The following SLIT3 variants were observed in gnomAD, a reference collection of about 807,000 sequenced individuals.
SLIT3 encodes the protein slit guidance ligand 3.
In SLIT3, 68 loss-of-function variants were observed where a neutral mutation model predicts 184.0. The ratio of observed to expected loss-of-function variants is 0.37; its 90% CI spans 0.30 to 0.45. The LOEUF (loss-of-function observed/expected upper bound fraction) is 0.45, where lower values mean the gene tolerates loss of function less well. SLIT3 is among the 20% of genes least tolerant of loss of function. SLIT3 has a pLI of 1.00. For missense variants in SLIT3, 1,707 were observed against 2,026.0 expected, an observed-to-expected ratio of 0.84 and a Z score of 3.02; for synonymous variants, 831 against 828.6, an observed-to-expected ratio of 1.00 and a Z score of -0.05.
intron 5 of SLIT3, among the ~76,000 whole-genome samples, chr5:168,852,186 G>A (rs749759628): frequency 3.9e-5 from 6 of 152,204 alleles, no homozygotes; most frequent in Admixed American, 2.6e-4. Context: ...GTTCCTCCCC[G>A]GCAGAGGCGC....
chr5:168,741,478 CAAA>C (rs3061744), intron 20 of SLIT3, among the ~76,000 whole-genome samples: 1,306 of 81,560 alleles, frequency 0.016, 24 homozygotes, highest in Non-Finnish European at 0.023. Context: ...GACTCGGTCT[CAAA>C]AAAAAAAAAA....
chr5:168,776,316 T>C (rs545650514), intron 12 of SLIT3, among the ~76,000 whole-genome samples: 2 of 152,340 alleles, frequency 1.3e-5, no homozygotes, highest in East Asian at 3.9e-4. Flanking sequence ...ACGGCCTGTT[T>C]AATCTGTCTA....
intron 6 of SLIT3, among the ~76,000 whole-genome samples, chr5:168,824,983 C>T (rs1757652935): frequency 6.6e-6 from 1 of 152,252 alleles, no homozygotes; most frequent in African/African-American, 2.4e-5. Context: ...ACCATAGCCT[C>T]ATGTCCTGCT....
intron 3 of SLIT3, among the ~76,000 whole-genome samples, chr5:169,209,848 G>C (rs532505160): frequency 1.3e-5 from 2 of 152,104 alleles, no homozygotes; most frequent in Non-Finnish European, 2.9e-5. Context: ...CAATGTAGAA[G>C]ATGGTTTGAC....
chr5:168,954,965 C>T (rs995456159), intron 4 of SLIT3, among the ~76,000 whole-genome samples: 3 of 152,098 alleles, frequency 2.0e-5, no homozygotes, highest in South Asian at 2.1e-4. Context: ...TTCCAGGTTC[C>T]GGCCTCATTC....
At chr5:169,019,050 G>A (rs1009023790) in intron 4 of SLIT3, among the ~76,000 whole-genome samples, 6 of 152,198 alleles carry the variant, frequency 3.9e-5, no homozygotes, top group African/African-American at 1.2e-4. Flanking sequence ...GCAACAGGAA[G>A]GAAGCCTTGT....
intron 4 of SLIT3, among the ~76,000 whole-genome samples, chr5:168,971,320 A>G (rs1036818026): frequency 1.3e-5 from 2 of 152,166 alleles, no homozygotes; most frequent in East Asian, 1.9e-4. Context: ...TACACATGTG[A>G]GAGGTTGGGT....
At chr5:169,169,846 T>C (rs1320059897) in intron 4 of SLIT3, among the ~76,000 whole-genome samples, 1 of 152,224 alleles carries the variant, frequency 6.6e-6, no homozygotes, top group Non-Finnish European at 1.5e-5. Flanking sequence ...AACCCTCTAT[T>C]TGCAAAGCCC....
chr5:168,768,391 G>C (rs1222021558), intron 14 of SLIT3: 1 of 436,424 alleles, frequency 2.3e-6, no homozygotes, highest in South Asian at 1.6e-5. Flanking sequence ...GAACACTTCC[G>C]AAGATTGCAG....
intron 4 of SLIT3, among the ~76,000 whole-genome samples, chr5:169,166,055 G>T (rs1218980881): frequency 6.6e-6 from 1 of 152,118 alleles, no homozygotes; most frequent in Non-Finnish European, 1.5e-5. Context: ...TAAATAACTT[G>T]CCCAAGGTCA....
At chr5:168,743,081 C>T (rs531241193) in intron 20 of SLIT3, among the ~76,000 whole-genome samples, 17 of 152,242 alleles carry the variant, frequency 1.1e-4, no homozygotes, top group Admixed American at 2.6e-4. Context: ...ATGTGCTAGT[C>T]TAAGAAACTG....
At chr5:169,206,272 A>C (rs73317657) in intron 3 of SLIT3, among the ~76,000 whole-genome samples, 1 of 152,216 alleles carries the variant, frequency 6.6e-6, no homozygotes, top group Non-Finnish European at 1.5e-5. Flanking sequence ...AAAATACTTC[A>C]GGCAGCTATT....
chr5:169,048,541 G>T (rs10038080), intron 4 of SLIT3, among the ~76,000 whole-genome samples: 119 of 152,282 alleles, frequency 7.8e-4, no homozygotes, highest in African/African-American at 2.8e-3. Flanking sequence ...CAGAAGTCAG[G>T]CATCACCGGC....
intron 4 of SLIT3, among the ~76,000 whole-genome samples, chr5:168,887,571 A>G (rs1478793746): frequency 6.6e-6 from 1 of 152,178 alleles, no homozygotes; most frequent in Non-Finnish European, 1.5e-5. Flanking sequence ...GTGTGGAATC[A>G]TTTGCACATT....
rs111655082 is a variant in SLIT3 at position 168,785,795 on chromosome 5, C to T, written c.1151+112G>A. On this transcript the variant is annotated intron_variant, in intron 12 of 35. Coordinates refer to ENST00000519560, the MANE Select transcript of SLIT3 (RefSeq NM_003062.4). ...GCGTGGACAGCTCAAACATTTTTTT[C>T]TCTTTTGTCTGCAGAAAGTCAAAAG... 11 of 764,234 alleles carry T rather than the reference C, an allele frequency of 1.4e-5. 1 individual carries two copies. The African/African-American group carries it at 1.7e-4, about 12-fold the overall frequency. The allele number at this position is 764,234 out of a possible 1,614,324, so 47.3% of individuals were successfully genotyped here. A position where few individuals can be genotyped will look rare whatever the true frequency, so the allele number is the denominator to read the frequency against.
At position 168,915,677 on chromosome 5, in the gene SLIT3, T is replaced by C. The variant is rs1263795157; in HGVS notation, c.414-32341A>G. On this transcript the variant is annotated intron_variant, in intron 4 of 35. Transcript: ENST00000519560. ...TTTTTTTTGAATACTGTTTTGGAAA[T>C]CCACTTTGCATTTTATACTTACAGC... Among the ~76,000 whole-genome samples, 10 of 152,268 alleles carry C rather than the reference T, an allele frequency of 6.6e-5. No individual in the cohort carries two copies. The South Asian group carries it at 8.3e-4, about 13-fold the overall frequency.
intron 4 of SLIT3, among the ~76,000 whole-genome samples, chr5:169,055,467 A>C (rs771724174): frequency 6.6e-6 from 1 of 152,238 alleles, no homozygotes; most frequent in East Asian, 1.9e-4. Flanking sequence ...GGAGGCAGGG[A>C]CATCTTGACC....
intron 9 of SLIT3, among the ~76,000 whole-genome samples, chr5:168,801,120 C>G (rs1756751253): frequency 6.6e-6 from 1 of 152,148 alleles, no homozygotes; most frequent in African/African-American, 2.4e-5. Flanking sequence ...TCCCAATGCT[C>G]TGTTCCCAGT....
rs2113529699 is a variant in SLIT3, at chr5:168,770,524, A to G, written c.1459+2257T>C. On this transcript the variant is annotated intron_variant, in intron 14 of 35. Coordinates refer to ENST00000519560, the MANE Select transcript of SLIT3 (RefSeq NM_003062.4). ...CTGGAACCCCATGTTTCTCAAAGCC[A>G]AGGCCTTTGGAGCTCAGCAGTCATG... Among the ~76,000 whole-genome samples, 2 of 152,286 alleles carry G rather than the reference A, an allele frequency of 1.3e-5. 1 individual carries two copies. The highest frequency in any genetic ancestry group is 6.8e-3 in the Middle Eastern group (2 of 294).
Sources: gnomAD v4.1 joint callset for allele counts (sites outside exome capture counted in the v4.1 genomes callset) on GRCh38, gnomAD v4.1.1 for gene constraint, MANE v1.5 for transcripts, NCBI Gene and HGNC (gene_info 2026-07-23, HGNC 2026-07-21) for gene names.